Variants in IPMK observed in about 807,000 individuals in gnomAD.
IPMK encodes inositol 1,3,4,6-tetrakisphosphate 5-kinase.
IPMK carries 17 observed loss-of-function variants against 45.8 expected under a neutral mutation model. That is an observed-to-expected ratio of 0.37 (90% CI 0.25 to 0.56). IPMK has a LOEUF of 0.56. Among genes scored for constraint, IPMK ranks in the 20% least tolerant of loss-of-function variants. The pLI is 0.79. For missense variants in IPMK, 399 were observed against 498.0 expected (o/e 0.80, Z 1.89); for synonymous variants, 180 against 184.3 (o/e 0.98, Z 0.19).
chr10:58,239,667 C>A lies in IPMK; in HGVS notation c.191-1853G>T, dbSNP rs143005253. On this transcript the variant is annotated intron_variant, in intron 1 of 5. Transcript: ENST00000373935. ...ACTCACCCTGCAACATAACCCCTCA[C>A]GTTTGAGAAGACAGAAGGTGGTAAT... Among the ~76,000 whole-genome samples the A allele has an allele frequency of 4.7e-4, 71 of 152,290 alleles. 1 individual carries two copies. In the East Asian group the frequency reaches 0.013, roughly 28 times the overall value.
rs1837841099 is a variant in IPMK, at chr10:58,193,195, T to C, written c.*2881A>G. ...AATTCCTTTTTCTTAAATGATGTTA[T>C]AAATTTGATACATAGACTTGATAGA... is the stretch of plus-strand genomic sequence containing the variant. On this transcript the variant is annotated 3_prime_UTR_variant, in exon 6 of 6. Coordinates refer to ENST00000373935, the MANE Select transcript of IPMK (RefSeq NM_152230.5). The C allele has an allele frequency of 6.6e-6, 1 of 152,024 alleles. No homozygotes were observed. Among genetic ancestry groups the C allele is most frequent in the African/African-American group, 2.4e-5 (1 of 41,458 alleles). 9.4% of individuals were successfully genotyped at this position (152,024 alleles called of 1,614,324 possible). A position where few individuals can be genotyped will look rare whatever the true frequency, so the allele number is the denominator to read the frequency against.
At chr10:58,197,834 A>T (rs1046434813) in intron 5 of IPMK, among the ~76,000 whole-genome samples, 1 of 152,100 alleles carries the variant, frequency 6.6e-6, no homozygotes, top group African/African-American at 2.4e-5. Context: ...GGAATTCAAG[A>T]CCAGCCTGGC....
chr10:58,235,883 T>C, intron 2 of IPMK, among the ~76,000 whole-genome samples: 1 of 151,416 alleles, frequency 6.6e-6, no homozygotes, highest in East Asian at 1.9e-4. Context: ...TATAGGTAAG[T>C]TCTATCAAGC....
chr10:58,231,071 G>C (rs1838509014), intron 2 of IPMK, among the ~76,000 whole-genome samples: 1 of 152,124 alleles, frequency 6.6e-6, no homozygotes. Flanking sequence ...TGGAAGAAAG[G>C]GTATTGGTGA....
intron 1 of IPMK, among the ~76,000 whole-genome samples, chr10:58,262,180 A>G (rs1462188391): frequency 6.6e-6 from 1 of 152,202 alleles, no homozygotes; most frequent in Non-Finnish European, 1.5e-5. Context: ...CCAACACTGC[A>G]CATGTATACA....
intron 3 of IPMK, among the ~76,000 whole-genome samples, chr10:58,216,812 T>C (rs1838250688): frequency 6.6e-6 from 1 of 152,158 alleles, no homozygotes; most frequent in African/African-American, 2.4e-5. Context: ...TTGTCAAATA[T>C]ACATTCAAGT....
chr10:58,260,938 T>A (rs1839055493), intron 1 of IPMK, among the ~76,000 whole-genome samples: 2 of 151,916 alleles, frequency 1.3e-5, no homozygotes. Context: ...TGTATGTAAA[T>A]GCAAAGGACC....
intron 4 of IPMK, among the ~76,000 whole-genome samples, chr10:58,199,915 T>C (rs1417884393): frequency 6.6e-6 from 1 of 151,862 alleles, no homozygotes; most frequent in Non-Finnish European, 1.5e-5. Context: ...CATTAGAAAA[T>C]GTAATGAAAG....
rs997668058 is a variant in IPMK at position 58,257,477 on chromosome 10, G to A, written c.190+9945C>T. On this transcript the variant is annotated intron_variant, in intron 1 of 5. Transcript: ENST00000373935. ...GCCACTGCACTCCAGCCTGGGCAACGGAGCAAGACTCTGTCTCAAAAACAA... is the reference window on the plus strand; with the variant it reads ...GCCACTGCACTCCAGCCTGGGCAACAGAGCAAGACTCTGTCTCAAAAACAA... Among the ~76,000 whole-genome samples, 10 of 151,850 alleles carry A rather than the reference G, an allele frequency of 6.6e-5. No homozygotes were observed. The East Asian group carries it at 1.2e-3, about 18-fold the overall frequency.
chr10:58,231,346 C>T (rs1049760475), intron 2 of IPMK, among the ~76,000 whole-genome samples: 2 of 152,026 alleles, frequency 1.3e-5, no homozygotes, highest in South Asian at 2.1e-4. Flanking sequence ...AGATACTCCT[C>T]GAGAAGAGCA....
chr10:58,211,668 C>T (rs1838161106), intron 4 of IPMK, among the ~76,000 whole-genome samples: 1 of 150,544 alleles, frequency 6.6e-6, no homozygotes, highest in Admixed American at 6.6e-5. Context: ...GCCTGGGCAA[C>T]GTGAACCTCA....
chr10:58,237,209 A>C (rs1260474913), intron 2 of IPMK, among the ~76,000 whole-genome samples: 1 of 152,202 alleles, frequency 6.6e-6, no homozygotes, highest in Non-Finnish European at 1.5e-5. Context: ...ACAAGACACA[A>C]ACAAGAGACT....
At chr10:58,261,568 C>T (rs111228636) in intron 1 of IPMK, among the ~76,000 whole-genome samples, 1 of 151,702 alleles carries the variant, frequency 6.6e-6, no homozygotes, top group Non-Finnish European at 1.5e-5. Flanking sequence ...AAACAAAAAA[C>T]CTAATCCAAC....
At chr10:58,252,874 A>C (rs768287149) in intron 1 of IPMK, among the ~76,000 whole-genome samples, 3 of 151,980 alleles carry the variant, frequency 2.0e-5, no homozygotes, top group African/African-American at 7.2e-5. Flanking sequence ...GACCTCCCAT[A>C]GTGCTAGGAT....
At chr10:58,266,640 G>A (rs1434736780) in intron 1 of IPMK, among the ~76,000 whole-genome samples, 3 of 152,124 alleles carry the variant, frequency 2.0e-5, no homozygotes, top group African/African-American at 7.2e-5. Context: ...TCATGGCCCA[G>A]GGAACCACTA....
At chr10:58,241,895 C>A (rs569908577) in intron 1 of IPMK, among the ~76,000 whole-genome samples, 2 of 151,830 alleles carry the variant, frequency 1.3e-5, no homozygotes, top group Non-Finnish European at 2.9e-5. Context: ...CAGTCCATAA[C>A]AGAAACCAAC....
At chr10:58,255,486 G>A (rs1188807902) in intron 1 of IPMK, among the ~76,000 whole-genome samples, 1 of 152,144 alleles carries the variant, frequency 6.6e-6, no homozygotes, top group Non-Finnish European at 1.5e-5. Context: ...TCAGGTCTGT[G>A]GATACAGGGG....
chr10:58,247,654 G>A (rs981565129), intron 1 of IPMK, among the ~76,000 whole-genome samples: 7 of 152,138 alleles, frequency 4.6e-5, no homozygotes, highest in Non-Finnish European at 1.0e-4. Flanking sequence ...GGGGACTGTT[G>A]TGGGGTGGGA....
At chr10:58,232,651 TA>T (rs1404967951) in intron 2 of IPMK, among the ~76,000 whole-genome samples, 9 of 152,274 alleles carry the variant, frequency 5.9e-5, no homozygotes, top group African/African-American at 2.2e-4. Flanking sequence ...AGACACAACA[TA>T]CAAGAATCTC....
Sources: gnomAD v4.1 joint callset for allele counts (sites outside exome capture counted in the v4.1 genomes callset) on GRCh38, gnomAD v4.1.1 for gene constraint, MANE v1.5 for transcripts, NCBI Gene and HGNC (gene_info 2026-07-23, HGNC 2026-07-21) for gene names.